SDK1: variants seen among roughly 807,000 people sequenced by gnomAD.
SDK1 encodes sidekick cell adhesion molecule 1.
Under a neutral mutation model 245.5 loss-of-function variants are expected in SDK1, and 157 were observed. The ratio of observed to expected loss-of-function variants is 0.64; its 90% CI spans 0.56 to 0.73. SDK1 has a LOEUF of 0.73. SDK1 is among the 30% of genes least tolerant of loss of function. The pLI is 0.00. For missense variants in SDK1, 3,583 were observed against 3,002.3 expected, an observed-to-expected ratio of 1.19 and a Z score of -4.52; for synonymous variants, 1,647 against 1,278.5, an observed-to-expected ratio of 1.29 and a Z score of -6.15.
chr7:3,879,992 A>G (rs1437312475), intron 5 of SDK1, among the ~76,000 whole-genome samples: 1 of 152,104 alleles, frequency 6.6e-6, no homozygotes, highest in African/African-American at 2.4e-5. Flanking sequence ...TCAAGGCTGT[A>G]TTAATCTTCT....
intron 1 of SDK1, among the ~76,000 whole-genome samples, chr7:3,388,022 C>G (rs1199144391): frequency 6.6e-6 from 1 of 152,168 alleles, no homozygotes; most frequent in Admixed American, 6.5e-5. Context: ...TATGTTAATA[C>G]AAATCTGCAT....
At chr7:3,394,022 C>G (rs957563112) in intron 1 of SDK1, among the ~76,000 whole-genome samples, 2 of 152,090 alleles carry the variant, frequency 1.3e-5, no homozygotes, top group Admixed American at 6.6e-5. Context: ...GTTGGGTAAG[C>G]CATATCTGCA....
At chr7:3,499,476 C>T (rs1782127706) in intron 1 of SDK1, among the ~76,000 whole-genome samples, 1 of 152,168 alleles carries the variant, frequency 6.6e-6, no homozygotes, top group Non-Finnish European at 1.5e-5. Context: ...AGGTTAACAA[C>T]ATTGCCAGTG....
intron 5 of SDK1, among the ~76,000 whole-genome samples, chr7:3,853,607 A>G (rs1309405472): frequency 6.6e-6 from 1 of 152,148 alleles, no homozygotes; most frequent in African/African-American, 2.4e-5. Flanking sequence ...AATACATACC[A>G]GTTGAGCACC....
At chr7:4,157,219 G>A (rs2128210715) in intron 30 of SDK1, among the ~76,000 whole-genome samples, 1 of 151,942 alleles carries the variant, frequency 6.6e-6, no homozygotes, top group Non-Finnish European at 1.5e-5. Flanking sequence ...CTTGGCACAG[G>A]AGACCCATTG....
chr7:3,426,625 C>G (rs1779685478), intron 1 of SDK1, among the ~76,000 whole-genome samples: 1 of 152,236 alleles, frequency 6.6e-6, no homozygotes, highest in Admixed American at 6.5e-5. Flanking sequence ...TGGCCATTAT[C>G]AACATCTGTC....
intron 4 of SDK1, among the ~76,000 whole-genome samples, chr7:3,776,953 C>G (rs1358504927): frequency 6.6e-6 from 1 of 152,110 alleles, no homozygotes; most frequent in African/African-American, 2.4e-5. Context: ...GGACTGTGAT[C>G]CAGGAAGAAA....
chr7:4,245,565 G>A, intron 43 of SDK1, 111 bp from the exon 44 acceptor site: 1 of 1,292,324 alleles, frequency 7.7e-7, no homozygotes, highest in Admixed American at 2.3e-5. Context: ...GTCAAAGGCT[G>A]TGGGTTTCCT....
intron 5 of SDK1, among the ~76,000 whole-genome samples, chr7:3,885,774 A>C (rs1781323633): frequency 6.6e-6 from 1 of 152,218 alleles, no homozygotes; most frequent in East Asian, 1.9e-4. Flanking sequence ...GTACAGTTCC[A>C]TTGAAGCCTT....
intron 5 of SDK1, among the ~76,000 whole-genome samples, chr7:3,826,559 G>A (rs10236007): frequency 0.015 from 2,281 of 152,218 alleles, 53 homozygotes; most frequent in African/African-American, 0.052. Context: ...AAATGCCGTC[G>A]TCTTCAGTTG....
At chr7:3,832,307 C>T (rs1779931609) in intron 5 of SDK1, among the ~76,000 whole-genome samples, 1 of 152,160 alleles carries the variant, frequency 6.6e-6, no homozygotes, top group African/African-American at 2.4e-5. Flanking sequence ...TTTTTAAAAT[C>T]ATGTTGTAAT....
intron 1 of SDK1, among the ~76,000 whole-genome samples, chr7:3,511,694 CTG>C (rs969514297): frequency 6.6e-6 from 1 of 151,954 alleles, no homozygotes; most frequent in African/African-American, 2.4e-5. Flanking sequence ...AAATAAGTCA[CTG>C]TGGACAGTTA....
intron 1 of SDK1, among the ~76,000 whole-genome samples, chr7:3,556,080 G>A (rs907407933): frequency 9.9e-5 from 15 of 152,192 alleles, no homozygotes; most frequent in African/African-American, 3.6e-4. Flanking sequence ...ATATGCCAAA[G>A]AAAGGAATCA....
intron 7 of SDK1, among the ~76,000 whole-genome samples, chr7:3,955,422 C>T (rs1017773175): frequency 1.3e-5 from 2 of 152,170 alleles, no homozygotes; most frequent in Non-Finnish European, 2.9e-5. Flanking sequence ...GCCCACCCAG[C>T]GAATCCAAGA....
chr7:3,608,090 A>G (rs1270433640), intron 1 of SDK1, among the ~76,000 whole-genome samples: 3 of 152,226 alleles, frequency 2.0e-5, no homozygotes, highest in Admixed American at 6.5e-5. Context: ...AGTGGTGCCA[A>G]ACTACACCAG....
At chr7:3,678,869 A>T (rs1784002785) in intron 4 of SDK1, among the ~76,000 whole-genome samples, 1 of 152,256 alleles carries the variant, frequency 6.6e-6, no homozygotes, top group South Asian at 2.1e-4. Context: ...GCAATTGGGT[A>T]TCAACAGGCA....
intron 1 of SDK1, among the ~76,000 whole-genome samples, chr7:3,362,097 C>G (rs186495974): frequency 8.5e-5 from 13 of 152,226 alleles, no homozygotes; most frequent in Admixed American, 3.3e-4. Context: ...GTGAAGGGAC[C>G]TAGTTCTTAT....
intron 42 of SDK1, 89 bp downstream of exon 42, chr7:4,237,873 G>C: frequency 6.8e-7 from 1 of 1,468,596 alleles, no homozygotes; most frequent in South Asian, 1.2e-5. Flanking sequence ...CCGGGCCCGT[G>C]TCTGCTTTTC....
intron 2 of SDK1, among the ~76,000 whole-genome samples, chr7:3,628,012 G>C (rs1782172865): frequency 6.6e-6 from 1 of 152,070 alleles, no homozygotes; most frequent in Non-Finnish European, 1.5e-5. Flanking sequence ...CCTATTCAAA[G>C]TTAAGGACCA....
Sources: gnomAD v4.1 joint callset for allele counts (sites outside exome capture counted in the v4.1 genomes callset) on GRCh38, gnomAD v4.1.1 for gene constraint, MANE v1.5 for transcripts, NCBI Gene and HGNC (gene_info 2026-07-23, HGNC 2026-07-21) for gene names.